Variants in HS3ST4 observed in about 807,000 individuals in gnomAD.
The protein encoded by HS3ST4 is heparan sulfate glucosamine 3-O-sulfotransferase 4.
In HS3ST4, 17 loss-of-function variants were observed where a neutral mutation model predicts 29.2. The ratio of observed to expected loss-of-function variants is 0.58; its 90% CI spans 0.40 to 0.87. The LOEUF (loss-of-function observed/expected upper bound fraction) is 0.87. HS3ST4 is among the 40% of genes least tolerant of loss of function. HS3ST4 has a pLI of 0.00. For synonymous variants in HS3ST4, 314 were observed against 285.7 expected, an observed-to-expected ratio of 1.10 and a Z score of -1.00; for missense variants, 627 against 634.5, an observed-to-expected ratio of 0.99 and a Z score of 0.13.
At position 26,104,840 on chromosome 16, in the gene HS3ST4, AAGCAGTCCTTGGACTGG is replaced by A. The variant is rs200061271; in HGVS notation, c.735-30759_735-30743del. On this transcript the variant is annotated intron_variant, in intron 1 of 1. Coordinates refer to ENST00000331351, the MANE Select transcript of HS3ST4 (RefSeq NM_006040.3). ...CCTTTTTGCTTAAGGCAGGAACCTTAAGCAGTCCTTGGACTGGAGCAGTCCTTGGTTCTTCTCTTTCT... is the reference window on the plus strand; with the variant it reads ...CCTTTTTGCTTAAGGCAGGAACCTTAAGCAGTCCTTGGTTCTTCTCTTTCT... Among the ~76,000 whole-genome samples, 1,029 of 152,316 alleles carry A rather than the reference AAGCAGTCCTTGGACTGG, an allele frequency of 6.8e-3. 13 individuals carry two copies. The highest frequency in any genetic ancestry group is 0.023 in the African/African-American group (970 of 41,558).
rs1014969130 is a variant in HS3ST4, at chr16:25,696,814, A to G, written c.734+3663A>G. Among the ~76,000 whole-genome samples, 8 of 152,236 alleles carry G rather than the reference A, an allele frequency of 5.3e-5. No homozygotes were observed. In the South Asian group the frequency reaches 8.3e-4, roughly 16 times the overall value. On this transcript the variant is annotated intron_variant, in intron 1 of 1. Coordinates refer to ENST00000331351, the MANE Select transcript of HS3ST4 (RefSeq NM_006040.3). ...GCAACTGGGGAGAGAATGGAGAAGG[A>G]TGGAATTTCATTGGTGTTTACCGAA... is the stretch of plus-strand genomic sequence containing the variant.
chr16:25,903,145 C>G (rs141866420), intron 1 of HS3ST4, among the ~76,000 whole-genome samples: 1 of 151,676 alleles, frequency 6.6e-6, no homozygotes, highest in Non-Finnish European at 1.5e-5. Context: ...CATCTTACCC[C>G]CAAACTCCTT....
intron 1 of HS3ST4, among the ~76,000 whole-genome samples, chr16:25,988,604 G>A (rs1969085202): frequency 6.6e-6 from 1 of 152,062 alleles, no homozygotes; most frequent in South Asian, 2.1e-4. Context: ...TGTTGTTAAA[G>A]GCAGGAACAG....
At chr16:25,902,370 T>A (rs1480038872) in intron 1 of HS3ST4, among the ~76,000 whole-genome samples, 1 of 151,984 alleles carries the variant, frequency 6.6e-6, no homozygotes, top group Non-Finnish European at 1.5e-5. Flanking sequence ...GTGGTGCACA[T>A]CTGTGGTCTC....
chr16:25,745,680 C>G (rs1280747343), intron 1 of HS3ST4, among the ~76,000 whole-genome samples: 1 of 152,176 alleles, frequency 6.6e-6, no homozygotes, highest in Non-Finnish European at 1.5e-5. Context: ...TTGAAGTCCT[C>G]TCTCCTACTC....
chr16:25,725,108 T>A (rs1412096889), intron 1 of HS3ST4, among the ~76,000 whole-genome samples: 1 of 151,936 alleles, frequency 6.6e-6, no homozygotes, highest in Non-Finnish European at 1.5e-5. Context: ...CAGGATACTT[T>A]TAATTCTACT....
At chr16:25,810,106 C>A (rs964662400) in intron 1 of HS3ST4, among the ~76,000 whole-genome samples, 1 of 152,020 alleles carries the variant, frequency 6.6e-6, no homozygotes, top group Non-Finnish European at 1.5e-5. Flanking sequence ...GAATTTAGTG[C>A]TGTAAATTTC....
At chr16:26,129,699 C>T (rs533330995) in intron 1 of HS3ST4, among the ~76,000 whole-genome samples, 3 of 152,178 alleles carry the variant, frequency 2.0e-5, no homozygotes, top group Non-Finnish European at 2.9e-5. Context: ...CCAAGGATCA[C>T]ACAGTTAATC....
intron 1 of HS3ST4, among the ~76,000 whole-genome samples, chr16:25,793,896 T>A (rs947893708): frequency 2.6e-5 from 4 of 152,028 alleles, no homozygotes; most frequent in Non-Finnish European, 4.4e-5. Context: ...TTCCCTCTAT[T>A]TGTTTTTAGA....
intron 1 of HS3ST4, among the ~76,000 whole-genome samples, chr16:26,026,465 C>A (rs1269883503): frequency 6.6e-6 from 1 of 152,084 alleles, no homozygotes; most frequent in Admixed American, 6.6e-5. Flanking sequence ...CTGGTTATTC[C>A]TATCTTTCTC....
At position 26,136,353 on chromosome 16, in the gene HS3ST4, G is replaced by A; in HGVS notation, c.*105G>A. On this transcript the variant is annotated 3_prime_UTR_variant, in exon 2 of 2. Coordinates refer to ENST00000331351, the MANE Select transcript of HS3ST4 (RefSeq NM_006040.3). ...GCTTCACTTGCTGGAGTGCCAAGTAGATCTCCTCCTCCTTCATGCAGCCAG... is the reference window on the plus strand; with the variant it reads ...GCTTCACTTGCTGGAGTGCCAAGTAAATCTCCTCCTCCTTCATGCAGCCAG... 1.9e-6 allele frequency: 2 copies of A among 1,072,192 alleles called. No homozygotes were observed. Among genetic ancestry groups the A allele is most frequent in the East Asian group, 2.6e-5 (1 of 38,878 alleles). 66.4% of individuals were successfully genotyped at this position (1,072,192 alleles called of 1,614,324 possible). A position where few individuals can be genotyped will look rare whatever the true frequency, so the allele number is the denominator to read the frequency against.
At chr16:26,069,901 G>T (rs1008659327) in intron 1 of HS3ST4, among the ~76,000 whole-genome samples, 1 of 151,874 alleles carries the variant, frequency 6.6e-6, no homozygotes, top group African/African-American at 2.4e-5. Context: ...ATTTTTTATG[G>T]CTGCATAGTA....
intron 1 of HS3ST4, among the ~76,000 whole-genome samples, chr16:26,130,220 G>A (rs539710860): frequency 8.5e-5 from 13 of 152,280 alleles, no homozygotes; most frequent in Non-Finnish European, 1.3e-4. Context: ...TGCTCTGAGC[G>A]CCCAAGATAC....
intron 1 of HS3ST4, among the ~76,000 whole-genome samples, chr16:25,984,965 A>G (rs933988450): frequency 1.6e-4 from 25 of 152,120 alleles, no homozygotes; most frequent in African/African-American, 5.6e-4. Flanking sequence ...GGAGAGAGAA[A>G]CTCTGAGCCT....
At chr16:26,043,199 T>G (rs1969650861) in intron 1 of HS3ST4, among the ~76,000 whole-genome samples, 1 of 152,226 alleles carries the variant, frequency 6.6e-6, no homozygotes, top group Non-Finnish European at 1.5e-5. Context: ...CACAGAGATT[T>G]GAAAAGCAGC....
chr16:25,909,936 T>C (rs1267031813), intron 1 of HS3ST4, among the ~76,000 whole-genome samples: 1 of 152,162 alleles, frequency 6.6e-6, no homozygotes, highest in Non-Finnish European at 1.5e-5. Flanking sequence ...CTTGATCATA[T>C]CTCACTGCAG....
intron 1 of HS3ST4, among the ~76,000 whole-genome samples, chr16:25,733,943 C>T (rs956614507): frequency 1.2e-4 from 19 of 152,078 alleles, no homozygotes; most frequent in African/African-American, 4.6e-4. Context: ...ATGATGAAAC[C>T]CTGTCTCTAC....
intron 1 of HS3ST4, among the ~76,000 whole-genome samples, chr16:26,079,593 TA>T (rs1898702790): frequency 6.6e-6 from 1 of 152,260 alleles, no homozygotes; most frequent in African/African-American, 2.4e-5. Context: ...TTATCCCTGT[TA>T]TACAAATTCA....
intron 1 of HS3ST4, among the ~76,000 whole-genome samples, chr16:25,820,470 T>A (rs1967138914): frequency 6.6e-6 from 1 of 152,200 alleles, no homozygotes; most frequent in African/African-American, 2.4e-5. Flanking sequence ...CATAGCTCAC[T>A]GTAGCCTCGA....
Sources: allele counts gnomAD v4.1 joint callset (sites outside exome capture counted in the v4.1 genomes callset), GRCh38; gene constraint gnomAD v4.1.1; transcripts MANE v1.5; gene names NCBI Gene and HGNC (gene_info 2026-07-23, HGNC 2026-07-21).